Variants in EIF2B3 observed in about 807,000 individuals in gnomAD.
EIF2B3 encodes eukaryotic translation initiation factor 2B subunit gamma.
A neutral mutation model predicts 54.1 loss-of-function variants in EIF2B3; 20 were observed. The observed-to-expected ratio is 0.37, with a 90% CI of 0.26 to 0.54. The LOEUF is 0.54. Among genes scored for constraint, EIF2B3 ranks in the 20% least tolerant of loss-of-function variants. The pLI is 0.86. For synonymous variants in EIF2B3, 153 were observed against 188.1 expected (o/e 0.81, Z 1.52); for missense variants, 448 against 547.8 (o/e 0.82, Z 1.82).
intron 3 of EIF2B3, among the ~76,000 whole-genome samples, chr1:44,976,910 A>G (rs1038057866): frequency 1.3e-5 from 2 of 152,202 alleles, no homozygotes; most frequent in South Asian, 2.1e-4. Context: ...AAGAAGCACA[A>G]AGGAACTTTC....
At chr1:44,960,004 G>A (rs2148953535) in intron 3 of EIF2B3, among the ~76,000 whole-genome samples, 1 of 152,276 alleles carries the variant, frequency 6.6e-6, no homozygotes, top group South Asian at 2.1e-4. Context: ...GTGAAAATTG[G>A]AAAATGGTGG....
intron 3 of EIF2B3, among the ~76,000 whole-genome samples, chr1:44,973,815 G>A (rs1311871402): frequency 2.6e-5 from 4 of 152,158 alleles, no homozygotes; most frequent in Non-Finnish European, 5.9e-5. Context: ...CTAGGAGGAG[G>A]GGGATGTTAG....
intron 3 of EIF2B3, among the ~76,000 whole-genome samples, chr1:44,961,885 C>T (rs1644288323): frequency 6.6e-6 from 1 of 152,026 alleles, no homozygotes; most frequent in African/African-American, 2.4e-5. Context: ...ATCACCCTAC[C>T]TTATCACAAA....
intron 5 of EIF2B3, among the ~76,000 whole-genome samples, chr1:44,911,584 T>C (rs1293408526): frequency 6.6e-6 from 1 of 152,240 alleles, no homozygotes; most frequent in African/African-American, 2.4e-5. Flanking sequence ...CACTCCATTG[T>C]ATGGAGCCAT....
intron 5 of EIF2B3, among the ~76,000 whole-genome samples, chr1:44,921,567 T>C (rs567795892): frequency 2.0e-5 from 3 of 152,342 alleles, no homozygotes; most frequent in East Asian, 3.9e-4. Context: ...TTTTTGTATA[T>C]GGCAAGAGAC....
At chr1:44,913,020 A>G (rs1643545603) in intron 5 of EIF2B3, among the ~76,000 whole-genome samples, 1 of 151,808 alleles carries the variant, frequency 6.6e-6, no homozygotes, top group African/African-American at 2.4e-5. Context: ...TGAAATATAG[A>G]AGACTAGACT....
At chr1:44,931,814 T>C (rs981403121) in intron 4 of EIF2B3, among the ~76,000 whole-genome samples, 3 of 152,184 alleles carry the variant, frequency 2.0e-5, no homozygotes, top group Admixed American at 6.5e-5. Flanking sequence ...TGATAACAAG[T>C]ACCTATAAAA....
At chr1:44,961,756 T>C (rs184017963) in intron 3 of EIF2B3, among the ~76,000 whole-genome samples, 9 of 152,294 alleles carry the variant, frequency 5.9e-5, no homozygotes, top group African/African-American at 2.2e-4. Flanking sequence ...TATAGATGAA[T>C]CAAATGCAAG....
At chr1:44,905,095 T>C (rs1038802553) in intron 5 of EIF2B3, among the ~76,000 whole-genome samples, 1 of 152,178 alleles carries the variant, frequency 6.6e-6, no homozygotes, top group African/African-American at 2.4e-5. Context: ...ACCATCCCAA[T>C]GCCTGATCTT....
intron 6 of EIF2B3, among the ~76,000 whole-genome samples, chr1:44,893,515 A>G (rs1383340527): frequency 1.3e-5 from 2 of 152,206 alleles, no homozygotes; most frequent in Non-Finnish European, 2.9e-5. Flanking sequence ...TGGCTGCATG[A>G]TATTGAGCAA....
intron 8 of EIF2B3, 51 bp from the exon 9 acceptor site, chr1:44,875,746 T>G: frequency 1.5e-6 from 2 of 1,294,060 alleles, no homozygotes; most frequent in Non-Finnish European, 2.2e-6. Flanking sequence ...CTTAGGTAGC[T>G]CTCCCTCTCC....
intron 10 of EIF2B3, among the ~76,000 whole-genome samples, chr1:44,860,276 A>G (rs1359286565): frequency 6.6e-6 from 1 of 152,182 alleles, no homozygotes; most frequent in Non-Finnish European, 1.5e-5. Context: ...CAGCCCCCCA[A>G]GTAGCTGAGA....
At chr1:44,925,362 A>T (rs1643830970) in intron 5 of EIF2B3, 1 of 152,360 alleles carries the variant, frequency 6.6e-6, no homozygotes, top group Middle Eastern at 3.4e-3. Flanking sequence ...CCTTAAAAAA[A>T]ACGAAATCCG....
At position 44,850,790 on chromosome 1, in the gene EIF2B3, C is replaced by G; in HGVS notation, c.*161G>C. ...ACACATGAACATACACTGTGTACAC[C>G]TGGAGCCCACCTGACATGGAGCTTT... On this transcript the variant is annotated 3_prime_UTR_variant, in exon 12 of 12. Transcript: ENST00000360403. 3 of 740,702 alleles carry G rather than the reference C, an allele frequency of 4.1e-6. No homozygotes were observed. Among genetic ancestry groups the G allele is most frequent in the Non-Finnish European group, 7.0e-6 (3 of 427,070 alleles). 45.9% of individuals were successfully genotyped at this position (740,702 alleles called of 1,614,324 possible).
intron 5 of EIF2B3, among the ~76,000 whole-genome samples, chr1:44,915,258 C>T (rs1643598822): frequency 6.6e-6 from 1 of 151,278 alleles, no homozygotes; most frequent in African/African-American, 2.4e-5. Context: ...AGAGATTGTG[C>T]CGCTGCACTC....
intron 3 of EIF2B3, among the ~76,000 whole-genome samples, chr1:44,962,733 T>G (rs1465278855): frequency 6.6e-6 from 1 of 152,128 alleles, no homozygotes; most frequent in East Asian, 1.9e-4. Context: ...TGTGTCTATA[T>G]TAAGGGAGTA....
chr1:44,958,114 G>A (rs2102035), intron 3 of EIF2B3, among the ~76,000 whole-genome samples: 18,794 of 152,112 alleles, frequency 0.12, 1,465 homozygotes, highest in Non-Finnish European at 0.17. Flanking sequence ...ATTTTGGTGG[G>A]CCGGTTGAAG....
intron 1 of EIF2B3, among the ~76,000 whole-genome samples, chr1:44,984,676 G>T (rs1379306983): frequency 2.0e-5 from 3 of 151,734 alleles, no homozygotes; most frequent in Non-Finnish European, 4.4e-5. Context: ...GGCAAACTAC[G>T]TAAATTTTCT....
intron 1 of EIF2B3, among the ~76,000 whole-genome samples, chr1:44,983,591 G>A (rs759326873): frequency 2.4e-4 from 37 of 152,170 alleles, no homozygotes; most frequent in Non-Finnish European, 1.9e-4. Flanking sequence ...CAAAAGATGA[G>A]CTGGACGTGG....
Sources: allele counts gnomAD v4.1 joint callset (sites outside exome capture counted in the v4.1 genomes callset), GRCh38; gene constraint gnomAD v4.1.1; transcripts MANE v1.5; gene names NCBI Gene and HGNC (gene_info 2026-07-23, HGNC 2026-07-21).